Variants in RP1 observed in about 807,000 individuals in gnomAD.
The protein encoded by RP1 is RP1 axonemal microtubule associated.
A neutral mutation model predicts 14.8 loss-of-function variants in RP1; 16 were observed. That is an observed-to-expected ratio of 1.08 (90% CI 0.73 to 1.65). The LOEUF is 1.65. RP1 is among the 40% of genes most tolerant of loss of function. The pLI is 0.00. For missense variants in RP1, 2,631 were observed against 2,535.0 expected (o/e 1.04, Z -0.81); for synonymous variants, 876 against 883.6 (o/e 0.99, Z 0.15).
rs2129316000 is a variant in RP1, at chr8:54,625,106, A to G, written c.1224A>G (p.Ile408Met). ...SNQEGSLAEE[I>M]NIQMTDQVAE... ...AAGAGGGCAGTTTGGCAGAGGAGATAAACATTCAAATGACAGATCAAGTGG... is the reference window on the plus strand; with the variant it reads ...AAGAGGGCAGTTTGGCAGAGGAGATGAACATTCAAATGACAGATCAAGTGG... The change falls in exon 4 of 4, where the codon ATA becomes ATG. Residue 408 changes from isoleucine (I) to methionine (M), a missense_variant. Physicochemically the swap from Ile to Met is conservative, Grantham distance 10. Transcript: ENST00000220676. 1 of 1,614,186 alleles carries G rather than the reference A, an allele frequency of 6.2e-7. No homozygotes were observed.
At position 54,622,212 on chromosome 8, in the gene RP1, C is replaced by T. The variant is rs751781610; in HGVS notation, c.711C>T (p.Tyr237=). The T allele has an allele frequency of 6.2e-7, 1 of 1,614,160 alleles. No homozygotes were observed. The highest frequency in any genetic ancestry group is 8.5e-7 in the Non-Finnish European group (1 of 1,180,000). ...FKPGNYDIQK[Y]LLPARLPGIS... Reference sequence around the variant, plus strand: ...CAGGAAATTATGACATCCAAAAATACTTGCTTCCTGCTAGATTACCAGGGA... The same window carrying T: ...CAGGAAATTATGACATCCAAAAATATTTGCTTCCTGCTAGATTACCAGGGA... Residue 237 remains tyrosine, a synonymous_variant, in exon 3 of 4, where the codon TAC becomes TAT. Transcript: ENST00000220676.
At chr8:54,859,532 G>A (rs1163542229) in intron 27 of RP1, among the ~76,000 whole-genome samples, 2 of 151,272 alleles carry the variant, frequency 1.3e-5, no homozygotes, top group African/African-American at 4.9e-5. Context: ...GTAGGGCATT[G>A]TCACTGTAGA....
At chr8:54,604,455 G>C (rs915355420) in intron 1 of RP1, among the ~76,000 whole-genome samples, 5 of 152,142 alleles carry the variant, frequency 3.3e-5, no homozygotes, top group African/African-American at 9.7e-5. Flanking sequence ...TTTTACTGAG[G>C]ATTTTTGCAT....
In RP1 at chr8:54,630,789, T is replaced by TA. The variant is rs1264837558; in HGVS notation, c.*441dup. Reference sequence around the variant, plus strand: ...TTATTCTTTTTAACTACTGATTTGATAAAAAGTATGATTATAAGATATCCA... The same window carrying TA: ...TTATTCTTTTTAACTACTGATTTGATAAAAAAGTATGATTATAAGATATCCA... On this transcript the variant is annotated 3_prime_UTR_variant, in exon 4 of 4. Transcript: ENST00000220676. 9.9e-7 allele frequency: 1 copy of TA among 1,005,584 alleles called. No homozygotes were observed. 62.3% of individuals were successfully genotyped at this position (1,005,584 alleles called of 1,614,324 possible).
At chr8:54,686,772 A>G (rs1441068530) in intron 12 of RP1, among the ~76,000 whole-genome samples, 1 of 152,186 alleles carries the variant, frequency 6.6e-6, no homozygotes, top group Non-Finnish European at 1.5e-5. Flanking sequence ...CACAAACTTT[A>G]CATCCCTTGA....
At chr8:54,779,217 G>C (rs1272294285) in intron 23 of RP1, among the ~76,000 whole-genome samples, 2 of 152,188 alleles carry the variant, frequency 1.3e-5, no homozygotes, top group African/African-American at 4.8e-5. Flanking sequence ...GCAGAGACGT[G>C]CTGGGTTTTT....
intron 12 of RP1, among the ~76,000 whole-genome samples, chr8:54,689,605 C>T (rs1807660560): frequency 6.6e-6 from 1 of 152,106 alleles, no homozygotes; most frequent in South Asian, 2.1e-4. Flanking sequence ...TTGCATGAGT[C>T]TCAGACTCAC....
At chr8:54,796,875 A>T (rs1810587922) in intron 24 of RP1, among the ~76,000 whole-genome samples, 1 of 152,212 alleles carries the variant, frequency 6.6e-6, no homozygotes, top group African/African-American at 2.4e-5. Context: ...AAATGGAAAG[A>T]AAATGGTTAA....
intron 21 of RP1, chr8:54,758,828 T>G (rs1227543816): frequency 2.4e-5 from 31 of 1,298,328 alleles, no homozygotes; most frequent in Non-Finnish European, 2.9e-5. Context: ...TTGTGCTGCT[T>G]CTGGCAGTCG....
intron 1 of RP1, among the ~76,000 whole-genome samples, chr8:54,584,936 A>G (rs928017679): frequency 3.3e-5 from 5 of 152,072 alleles, no homozygotes; most frequent in South Asian, 2.1e-4. Flanking sequence ...CAAACTGATG[A>G]GTCTTGACTC....
At chr8:54,652,806 C>A (rs1220468758) in exon 5 of RP1, 1 of 1,535,748 alleles carries the variant, frequency 6.5e-7, no homozygotes, top group Non-Finnish European at 8.7e-7. Context: ...TTGGAGCACT[C>A]TTTAAGATTC....
At chr8:54,849,290 C>T (rs1563395560) in intron 25 of RP1, among the ~76,000 whole-genome samples, 1 of 151,806 alleles carries the variant, frequency 6.6e-6, no homozygotes, top group Non-Finnish European at 1.5e-5. Context: ...GGTTCAACAA[C>T]CAACCAGGAG....
Position 54,639,343 on chromosome 8 carries a change from T to C in RP1, c.788-9642T>C, listed in dbSNP as rs112669091. ...TTACCAGCTAATAGACATTTATTTC[T>C]GGCTTTTGGTTATTATGGATATAAG... On this transcript the variant is annotated intron_variant, in intron 3 of 22. Coordinates refer to the RP1 transcript ENST00000636932. Among the ~76,000 whole-genome samples, 1,163 of 152,320 alleles carry C rather than the reference T, an allele frequency of 7.6e-3. 19 individuals carry two copies. The highest frequency in any genetic ancestry group is 0.027 in the African/African-American group (1,105 of 41,578).
chr8:54,783,726 C>T (rs1810248013), intron 24 of RP1: 7 of 1,223,736 alleles, frequency 5.7e-6, no homozygotes, highest in Non-Finnish European at 7.1e-6. Context: ...AATGATACAG[C>T]TATAACTTGT....
At chr8:54,693,205 G>A (rs544050097) in intron 12 of RP1, among the ~76,000 whole-genome samples, 8 of 152,276 alleles carry the variant, frequency 5.3e-5, no homozygotes, top group South Asian at 2.1e-4. Context: ...TTACCATGCC[G>A]TTTTGATTAC....
At chr8:54,706,964 T>C (rs1300879912) in intron 15 of RP1, among the ~76,000 whole-genome samples, 1 of 152,164 alleles carries the variant, frequency 6.6e-6, no homozygotes, top group Non-Finnish European at 1.5e-5. Flanking sequence ...TAACAAGCTC[T>C]CAGCTGTGGC....
chr8:54,602,163 T>C (rs1174819956), intron 1 of RP1, among the ~76,000 whole-genome samples: 1 of 152,202 alleles, frequency 6.6e-6, no homozygotes, highest in Non-Finnish European at 1.5e-5. Flanking sequence ...ATTAGGTATA[T>C]CTCCCAGTGC....
intron 12 of RP1, chr8:54,696,905 AAC>A (rs912983391): frequency 6.2e-6 from 5 of 804,642 alleles, no homozygotes; most frequent in Non-Finnish European, 1.1e-5. Context: ...TCTGACAGAC[AAC>A]ACAGTGATTG....
chr8:54,711,340 T>A (rs1022655357), intron 15 of RP1, among the ~76,000 whole-genome samples: 6 of 152,190 alleles, frequency 3.9e-5, no homozygotes, highest in African/African-American at 1.4e-4. Context: ...CTGTTAAAAA[T>A]TCCAATCCTG....
Sources: allele counts gnomAD v4.1 joint callset (sites outside exome capture counted in the v4.1 genomes callset), GRCh38; gene constraint gnomAD v4.1.1; transcripts MANE v1.5; gene names NCBI Gene and HGNC (gene_info 2026-07-23, HGNC 2026-07-21).